Variants in ARHGAP15 observed in about 807,000 individuals in gnomAD.
ARHGAP15 encodes Rho GTPase activating protein 15.
Under a neutral mutation model 63.7 loss-of-function variants are expected in ARHGAP15, and 51 were observed. The observed-to-expected ratio is 0.80, with a 90% confidence interval of 0.64 to 1.01. The LOEUF (loss-of-function observed/expected upper bound fraction) is 1.01, where lower values mean the gene tolerates loss of function less well. Among genes scored for constraint, ARHGAP15 ranks in the 50% least tolerant of loss-of-function variants. The pLI, the probability that ARHGAP15 is intolerant of heterozygous loss-of-function variation, is 0.00. For missense variants in ARHGAP15, 560 were observed against 564.6 expected, an observed-to-expected ratio of 0.99 and a Z score of 0.08; for synonymous variants, 191 against 193.8, an observed-to-expected ratio of 0.99 and a Z score of 0.12.
At chr2:143,514,205 G>A (rs528838782) in intron 9 of ARHGAP15, among the ~76,000 whole-genome samples, 50 of 152,242 alleles carry the variant, frequency 3.3e-4, no homozygotes, top group African/African-American at 1.2e-3. Flanking sequence ...CACAGTGTCT[G>A]GCTTATAACC....
chr2:143,491,401 A>G (rs1031491913), intron 9 of ARHGAP15, among the ~76,000 whole-genome samples: 1 of 152,328 alleles, frequency 6.6e-6, no homozygotes, highest in East Asian at 1.9e-4. Flanking sequence ...TTTTAGGAGC[A>G]ATTAGTATGC....
At chr2:143,333,188 T>C (rs1684624237) in intron 6 of ARHGAP15, among the ~76,000 whole-genome samples, 1 of 152,186 alleles carries the variant, frequency 6.6e-6, no homozygotes, top group African/African-American at 2.4e-5. Context: ...CAAATGTGAT[T>C]AGCAGTTGCT....
chr2:143,739,248 AAAC>A (rs1267557424), intron 13 of ARHGAP15, among the ~76,000 whole-genome samples: 2 of 152,174 alleles, frequency 1.3e-5, no homozygotes, highest in Non-Finnish European at 2.9e-5. Flanking sequence ...ATGATAGCAA[AAAC>A]AACAAGAGGG....
intron 11 of ARHGAP15, among the ~76,000 whole-genome samples, chr2:143,590,148 C>A (rs886492243): frequency 6.6e-6 from 1 of 152,308 alleles, no homozygotes; most frequent in African/African-American, 2.4e-5. Flanking sequence ...GTGCATGCCC[C>A]ATTTCTCCTT....
intron 13 of ARHGAP15, among the ~76,000 whole-genome samples, chr2:143,720,792 G>A (rs1685017105): frequency 1.3e-5 from 2 of 151,972 alleles, no homozygotes; most frequent in African/African-American, 4.8e-5. Flanking sequence ...ATTCTGGGTC[G>A]GGCACGGTGG....
intron 12 of ARHGAP15, among the ~76,000 whole-genome samples, chr2:143,648,531 C>A (rs976752578): frequency 2.0e-5 from 3 of 151,942 alleles, no homozygotes; most frequent in Admixed American, 6.6e-5. Flanking sequence ...CATGTCAAGT[C>A]CTTGACTGTT....
At chr2:143,150,146 A>C (rs991772710) in intron 1 of ARHGAP15, among the ~76,000 whole-genome samples, 5 of 151,974 alleles carry the variant, frequency 3.3e-5, no homozygotes, top group African/African-American at 9.7e-5. Context: ...TTCTCTACTC[A>C]GCAGCATAAA....
chr2:143,271,693 G>C (rs1681292649), intron 6 of ARHGAP15, among the ~76,000 whole-genome samples: 1 of 152,194 alleles, frequency 6.6e-6, no homozygotes, highest in South Asian at 2.1e-4. Flanking sequence ...AGTCGGGATA[G>C]TCTCGCGCTC....
chr2:143,406,262 A>C (rs542413416), intron 6 of ARHGAP15, among the ~76,000 whole-genome samples: 1 of 152,062 alleles, frequency 6.6e-6, no homozygotes, highest in South Asian at 2.1e-4. Context: ...AGAGTTTATA[A>C]TTCTAGTTTT....
intron 1 of ARHGAP15, among the ~76,000 whole-genome samples, chr2:143,137,299 T>A (rs1245636802): frequency 1.3e-5 from 2 of 151,926 alleles, no homozygotes; most frequent in Non-Finnish European, 2.9e-5. Flanking sequence ...CTAGAACAAA[T>A]GGTAGGTGTA....
intron 9 of ARHGAP15, among the ~76,000 whole-genome samples, chr2:143,507,608 G>C (rs569780522): frequency 1.3e-5 from 2 of 152,162 alleles, no homozygotes; most frequent in African/African-American, 2.4e-5. Flanking sequence ...TCCATCTAGA[G>C]GTTGATGCTT....
chr2:143,264,643 G>A (rs1680901740), intron 6 of ARHGAP15, among the ~76,000 whole-genome samples: 1 of 152,042 alleles, frequency 6.6e-6, no homozygotes, highest in East Asian at 1.9e-4. Flanking sequence ...ATATCTGAGT[G>A]AGGCCCAGAT....
chr2:143,647,663 T>A (rs1680952859), intron 12 of ARHGAP15, among the ~76,000 whole-genome samples: 1 of 151,986 alleles, frequency 6.6e-6, no homozygotes, highest in African/African-American at 2.4e-5. Flanking sequence ...GGGGAAAAAA[T>A]TAATCTTTAA....
chr2:143,521,428 C>T (rs1037344386), intron 10 of ARHGAP15, among the ~76,000 whole-genome samples: 9 of 152,076 alleles, frequency 5.9e-5, no homozygotes, highest in African/African-American at 1.2e-4. Flanking sequence ...GTTGTTTTTA[C>T]GAAATTCTGG....
Position 143,229,128 on chromosome 2 carries a change from A to G in ARHGAP15, c.384+460A>G, listed in dbSNP as rs531661903. On this transcript the variant is annotated intron_variant, in intron 5 of 13. Coordinates refer to ENST00000295095, the MANE Select transcript of ARHGAP15 (RefSeq NM_018460.4). ...TATTAAACCATGTATGTGCATCTTT[A>G]ATACATGAATTTAAGTTGGTATCTA... Among the ~76,000 whole-genome samples the G allele has an allele frequency of 4.3e-4, 65 of 152,272 alleles. 1 individual carries two copies. In the South Asian group the frequency reaches 0.013, roughly 30 times the overall value.
intron 13 of ARHGAP15, among the ~76,000 whole-genome samples, chr2:143,759,167 C>A (rs1443986495): frequency 1.3e-5 from 2 of 152,002 alleles, no homozygotes; most frequent in African/African-American, 2.4e-5. Context: ...CCAGATATTG[C>A]CAAATCTCTC....
intron 8 of ARHGAP15, among the ~76,000 whole-genome samples, chr2:143,481,523 T>C (rs939119013): frequency 6.6e-6 from 1 of 152,160 alleles, no homozygotes; most frequent in African/African-American, 2.4e-5. Flanking sequence ...TTCTGGCAGA[T>C]GCACAATTTT....
chr2:143,211,143 T>C (rs1692542614), intron 3 of ARHGAP15, among the ~76,000 whole-genome samples: 1 of 152,166 alleles, frequency 6.6e-6, no homozygotes, highest in Non-Finnish European at 1.5e-5. Context: ...TCGCCGGTAA[T>C]GAGCAAATCA....
intron 13 of ARHGAP15, among the ~76,000 whole-genome samples, chr2:143,730,929 CTTTTTTT>C (rs1191514139): frequency 9.2e-5 from 8 of 87,318 alleles, no homozygotes; most frequent in South Asian, 4.6e-4. Context: ...GGGAAAAAGG[CTTTTTTT>C]TTTTTTTTTT....
Sources: allele counts gnomAD v4.1 joint callset (sites outside exome capture counted in the v4.1 genomes callset), GRCh38; gene constraint gnomAD v4.1.1; transcripts MANE v1.5; gene names NCBI Gene and HGNC (gene_info 2026-07-23, HGNC 2026-07-21).